Variants in TLCD4 observed in about 807,000 individuals in gnomAD.
TLCD4 encodes the protein TLC domain-containing protein 4.
A neutral mutation model predicts 24.2 loss-of-function variants in TLCD4; 7 were observed. The observed-to-expected ratio is 0.29, with a 90% CI of 0.16 to 0.54. The LOEUF (loss-of-function observed/expected upper bound fraction) is 0.54. Among genes scored for constraint, TLCD4 ranks in the 20% least tolerant of loss-of-function variants. TLCD4 has a pLI of 0.95. For synonymous variants in TLCD4, 103 were observed against 106.4 expected, an observed-to-expected ratio of 0.97 and a Z score of 0.20; for missense variants, 259 against 313.9, an observed-to-expected ratio of 0.82 and a Z score of 1.32.
intron 6 of TLCD4, among the ~76,000 whole-genome samples, chr1:95,175,968 G>A (rs1678409926): frequency 6.6e-6 from 1 of 151,844 alleles, no homozygotes. Context: ...TAGAGAAGGA[G>A]TTTCACCATG....
intron 6 of TLCD4, among the ~76,000 whole-genome samples, chr1:95,185,034 CT>C (rs991965186): frequency 4.1e-5 from 6 of 146,248 alleles, no homozygotes; most frequent in Admixed American, 6.8e-5. Context: ...TTTTTTTTTT[CT>C]TTTTTTTTAA....
chr1:95,150,095 C>T, intron 3 of TLCD4, 113 bp from the exon 4 acceptor site: 1 of 1,356,882 alleles, frequency 7.4e-7, no homozygotes, highest in Non-Finnish European at 9.9e-7. Context: ...GACAGCTTAC[C>T]ATTTGAGAAT....
At chr1:95,172,991 T>C (rs1678280534) in intron 5 of TLCD4, among the ~76,000 whole-genome samples, 1 of 152,358 alleles carries the variant, frequency 6.6e-6, no homozygotes, top group South Asian at 2.1e-4. Flanking sequence ...TTACTAACTC[T>C]ACTAAACTTT....
chr1:95,171,976 T>C (rs1678245765), intron 5 of TLCD4, among the ~76,000 whole-genome samples: 1 of 152,152 alleles, frequency 6.6e-6, no homozygotes, highest in Non-Finnish European at 1.5e-5. Flanking sequence ...TGGACAGACA[T>C]GCACACAGGG....
intron 5 of TLCD4, among the ~76,000 whole-genome samples, chr1:95,160,637 G>T (rs1443967482): frequency 6.6e-6 from 1 of 152,188 alleles, no homozygotes; most frequent in East Asian, 1.9e-4. Context: ...GACATTGGCT[G>T]TGGGTTTGTC....
chr1:95,100,741 G>T, the TLCD4 span, among the ~76,000 whole-genome samples: 1 of 151,998 alleles, frequency 6.6e-6, no homozygotes, highest in Non-Finnish European at 1.5e-5. Context: ...ACATCTGCCT[G>T]GTTCCCTCAC....
intron 2 of TLCD4, among the ~76,000 whole-genome samples, chr1:95,145,531 A>G (rs75473359): frequency 6.6e-6 from 1 of 152,320 alleles, no homozygotes; most frequent in East Asian, 1.9e-4. Flanking sequence ...TTGTCTTAAG[A>G]CTAGCACAAA....
chr1:95,135,395 C>CTT lies in TLCD4; in HGVS notation c.-11-8478_-11-8477dup, dbSNP rs1188061128. Among the ~76,000 whole-genome samples the CTT allele has an allele frequency of 3.3e-3, 430 of 130,484 alleles. 4 individuals carry two copies. Among genetic ancestry groups the CTT allele is most frequent in the African/African-American group, 0.01 (353 of 34,708 alleles). The allele number at this position is 130,484 out of a possible 152,430, so 85.6% of individuals were successfully genotyped here. On this transcript the variant is annotated intron_variant, in intron 1 of 6. Transcript: ENST00000370203. ...GTTCCTGGTCTCATTTTTTTGTACACTTTTTTTTTTTTTTTTTTTGAGACA... is the reference window on the plus strand; with the variant it reads ...GTTCCTGGTCTCATTTTTTTGTACACTTTTTTTTTTTTTTTTTTTTTGAGACA...
intron 5 of TLCD4, among the ~76,000 whole-genome samples, chr1:95,167,409 T>C (rs961972144): frequency 1.3e-5 from 2 of 152,160 alleles, no homozygotes; most frequent in Non-Finnish European, 2.9e-5. Context: ...GGAAATTCTG[T>C]CAGCATTGGG....
At chr1:95,173,004 A>G (rs895897184) in intron 5 of TLCD4, among the ~76,000 whole-genome samples, 37 of 152,192 alleles carry the variant, frequency 2.4e-4, no homozygotes, top group African/African-American at 8.9e-4. Flanking sequence ...TAAACTTTTC[A>G]TATTATTTAA....
At position 95,193,536 on chromosome 1, in the gene TLCD4, G is replaced by T. The variant is rs1370414288; in HGVS notation, c.*1668G>T. On this transcript the variant is annotated 3_prime_UTR_variant, in exon 7 of 7. Coordinates refer to ENST00000370203, the MANE Select transcript of TLCD4 (RefSeq NM_152487.3). ...CCAGTTTCTCAGTTTGAAGGAGAACGTTTGACTCACTTTCATTGTTCATGC... is the reference window on the plus strand; with the variant it reads ...CCAGTTTCTCAGTTTGAAGGAGAACTTTTGACTCACTTTCATTGTTCATGC... The T allele has an allele frequency of 6.6e-6, 1 of 152,022 alleles. No individual in the cohort carries two copies. Among genetic ancestry groups the T allele is most frequent in the African/African-American group, 2.4e-5 (1 of 41,440 alleles). 9.4% of individuals were successfully genotyped at this position (152,022 alleles called of 1,614,324 possible).
At chr1:95,121,617 C>T (rs990162505) in intron 1 of TLCD4, among the ~76,000 whole-genome samples, 3 of 152,252 alleles carry the variant, frequency 2.0e-5, no homozygotes, top group East Asian at 3.9e-4. Context: ...ATTACAGGCA[C>T]CCGCCACCAC....
At chr1:95,117,018 G>A (rs1048890023), upstream of TLCD4, among the ~76,000 whole-genome samples, 2 of 152,188 alleles carry the variant, frequency 1.3e-5, no homozygotes, top group African/African-American at 4.8e-5. Flanking sequence ...GAGCATTTAA[G>A]GCAGAATGTA....
At chr1:95,140,106 G>GT (rs547206554) in intron 1 of TLCD4, among the ~76,000 whole-genome samples, 195 of 151,952 alleles carry the variant, frequency 1.3e-3, no homozygotes, top group African/African-American at 4.0e-3. Flanking sequence ...TGTGTGTGTG[G>GT]TTTTTTTTAA....
intron 1 of TLCD4, among the ~76,000 whole-genome samples, chr1:95,129,131 T>C (rs12074391): frequency 0.26 from 39,553 of 152,098 alleles, 5,249 homozygotes; most frequent in Middle Eastern, 0.34. Flanking sequence ...TAGAAATGTG[T>C]GAAAAGTTAA....
chr1:95,138,142 TCTCCTGGGTATTTATTC>T (rs1287767211), intron 1 of TLCD4: 1 of 152,162 alleles, frequency 6.6e-6, no homozygotes, highest in African/African-American at 2.4e-5. Flanking sequence ...ATGTGTTACC[TCTCCTGGGTATTTATTC>T]CTTGGAAAGC....
At chr1:95,166,856 G>A (rs1029563983) in intron 5 of TLCD4, among the ~76,000 whole-genome samples, 2 of 151,798 alleles carry the variant, frequency 1.3e-5, no homozygotes, top group Non-Finnish European at 2.9e-5. Flanking sequence ...AGCCTCCTGA[G>A]TAGCTGGGAC....
intron 6 of TLCD4, among the ~76,000 whole-genome samples, chr1:95,181,128 A>C (rs79420763): frequency 0.068 from 10,392 of 152,172 alleles, 564 homozygotes; most frequent in Non-Finnish European, 0.087. Flanking sequence ...ACCTCATTGA[A>C]TATTAACAGT....
intron 6 of TLCD4, among the ~76,000 whole-genome samples, chr1:95,176,336 C>A (rs1309700157): frequency 6.6e-6 from 1 of 151,650 alleles, no homozygotes; most frequent in African/African-American, 2.4e-5. Flanking sequence ...GAATTACAGG[C>A]ATACACCACC....
Sources: gnomAD v4.1 joint callset for allele counts (sites outside exome capture counted in the v4.1 genomes callset) on GRCh38, gnomAD v4.1.1 for gene constraint, MANE v1.5 for transcripts, NCBI Gene and HGNC (gene_info 2026-07-23, HGNC 2026-07-21) for gene names.